The following DENND1A variants were observed in gnomAD, a reference collection of about 807,000 sequenced individuals.
DENND1A encodes the protein DENN domain containing 1A, also known as DENN domain-containing protein 1A.
In DENND1A, 51 loss-of-function variants were observed where a neutral mutation model predicts 113.7. The ratio of observed to expected loss-of-function variants is 0.45; its 90% CI spans 0.36 to 0.57. The LOEUF (loss-of-function observed/expected upper bound fraction) is 0.57. Ranked by LOEUF, DENND1A falls within the 20% of genes least tolerant of loss-of-function variation. The pLI, the probability that DENND1A is intolerant of heterozygous loss-of-function variation, is 0.00. For synonymous variants in DENND1A, 565 were observed against 570.8 expected (o/e 0.99, Z 0.14); for missense variants, 1,258 against 1,395.9 (o/e 0.90, Z 1.57).
chr9:123,383,743 G>A lies in DENND1A; in HGVS notation c.1931C>T (p.Ala644Val), dbSNP rs764931282. Residue 644 changes from alanine (A) to valine (V), a missense_variant, in exon 23 of 24, where the codon GCA becomes GTA. By Grantham distance (64) the Ala-to-Val change is moderately conservative (BLOSUM62 0). This residue lies in a region of DENND1A where 1,159 missense variants were observed against 1,231.7 expected (regional missense o/e 0.94). Transcript: ENST00000394215. Reference protein sequence around the residue: ...DVFSNLDMEAALQPLGQAKSL... With the variant: ...DVFSNLDMEAVLQPLGQAKSL... The stretch of plus-strand genomic sequence containing the variant: ...CTTGGCCTGGCCCAGTGGCTGCAGT[G>A]CGGCCTCCATGTCCAGGTTGCTGAA... 6.2e-7 allele frequency: 1 copy of A among 1,614,140 alleles called. No individual in the cohort carries two copies. The highest frequency in any genetic ancestry group is 1.1e-5 in the South Asian group (1 of 91,090).
At position 123,650,235 on chromosome 9, in the gene DENND1A, T is replaced by C. The variant is rs772873964; in HGVS notation, c.618+1778A>G. On this transcript the variant is annotated intron_variant, in intron 9 of 23. Transcript: ENST00000394215. ...GTAAAACAAAGCAAGAGGTCTACTA[T>C]AGGCTATTCTTAACACATACTAGGC... Among the ~76,000 whole-genome samples, 5 of 152,140 alleles carry C rather than the reference T, an allele frequency of 3.3e-5. 1 individual carries two copies. In the South Asian group the frequency reaches 8.3e-4, roughly 25 times the overall value.
intron 1 of DENND1A, among the ~76,000 whole-genome samples, chr9:123,903,432 G>A (rs1852103419): frequency 6.6e-6 from 1 of 151,880 alleles, no homozygotes; most frequent in South Asian, 2.1e-4. Flanking sequence ...ACAGAAGATG[G>A]GTGATTTCTG....
chr9:123,558,249 C>G (rs1330773965), intron 12 of DENND1A, among the ~76,000 whole-genome samples: 1 of 152,194 alleles, frequency 6.6e-6, no homozygotes, highest in Non-Finnish European at 1.5e-5. Context: ...AGACATGGGC[C>G]ACATTCCAAT....
chr9:123,700,830 A>G (rs2065842704), intron 5 of DENND1A, among the ~76,000 whole-genome samples: 1 of 152,232 alleles, frequency 6.6e-6, no homozygotes, highest in Non-Finnish European at 1.5e-5. Flanking sequence ...GGAATCCTTG[A>G]ATCCATCAGC....
chr9:123,869,077 T>C (rs151121961), intron 2 of DENND1A, among the ~76,000 whole-genome samples: 276 of 152,362 alleles, frequency 1.8e-3, no homozygotes, highest in African/African-American at 6.3e-3. Context: ...ATTTATTCTT[T>C]AAACTGTATA....
intron 21 of DENND1A, among the ~76,000 whole-genome samples, chr9:123,394,429 G>A (rs970344320): frequency 6.6e-6 from 1 of 152,146 alleles, no homozygotes; most frequent in Non-Finnish European, 1.5e-5. Flanking sequence ...TGGAGCCAGC[G>A]CAAGGATGAG....
chr9:123,720,845 C>A (rs2067287324), intron 5 of DENND1A, among the ~76,000 whole-genome samples: 1 of 152,134 alleles, frequency 6.6e-6, no homozygotes, highest in Non-Finnish European at 1.5e-5. Flanking sequence ...CTAGTTTAGG[C>A]AAAATGGAAT....
At chr9:123,793,906 T>C (rs974596583) in intron 2 of DENND1A, among the ~76,000 whole-genome samples, 1 of 152,218 alleles carries the variant, frequency 6.6e-6, no homozygotes, top group African/African-American at 2.4e-5. Flanking sequence ...TATCTGCAAG[T>C]GATTTCAACT....
chr9:123,837,228 A>C (rs1841169873), intron 2 of DENND1A, among the ~76,000 whole-genome samples: 1 of 152,210 alleles, frequency 6.6e-6, no homozygotes, highest in South Asian at 2.1e-4. Context: ...GTCTGCAATT[A>C]GAATAATCAA....
In DENND1A at chr9:123,392,350, A is replaced by C. The variant is rs144995419; in HGVS notation, c.1632-4492T>G. Reference sequence around the variant, plus strand: ...TTTAATTGACATTTAAATGTACTTGAGATAAAGACGGGGAAAAATCAGCCA... The same window carrying C: ...TTTAATTGACATTTAAATGTACTTGCGATAAAGACGGGGAAAAATCAGCCA... On this transcript the variant is annotated intron_variant, in intron 21 of 23. Coordinates refer to ENST00000394215, the MANE Select transcript of DENND1A (RefSeq NM_001352964.2). 9.3e-3 allele frequency among the ~76,000 whole-genome samples: 1,421 copies of C among 152,298 alleles called. 9 individuals carry two copies. The highest frequency in any genetic ancestry group is 0.014 in the Non-Finnish European group (954 of 68,028).
intron 21 of DENND1A, among the ~76,000 whole-genome samples, chr9:123,392,027 T>C (rs2042878885): frequency 1.3e-5 from 2 of 152,196 alleles, no homozygotes; most frequent in Admixed American, 6.5e-5. Context: ...GGAGTTCCCA[T>C]GCAGATGACT....
At chr9:123,902,399 C>A (rs80259458) in intron 1 of DENND1A, among the ~76,000 whole-genome samples, 5,789 of 152,226 alleles carry the variant, frequency 0.038, 114 homozygotes, top group Middle Eastern at 0.048. Flanking sequence ...GTTCTACCTT[C>A]GTGGTGCAAA....
chr9:123,516,483 A>T (rs1241027170), intron 13 of DENND1A, among the ~76,000 whole-genome samples: 1 of 152,208 alleles, frequency 6.6e-6, no homozygotes, highest in African/African-American at 2.4e-5. Context: ...GTAATCAAGG[A>T]AACAAAAATT....
chr9:123,822,462 A>C (rs1477061732), intron 2 of DENND1A, among the ~76,000 whole-genome samples: 1 of 152,234 alleles, frequency 6.6e-6, no homozygotes, highest in Admixed American at 6.5e-5. Flanking sequence ...GGAAATTAGT[A>C]ATCACAGGAG....
chr9:123,603,588 C>T (rs2060024330), intron 11 of DENND1A, among the ~76,000 whole-genome samples: 1 of 152,214 alleles, frequency 6.6e-6, no homozygotes, highest in Non-Finnish European at 1.5e-5. Flanking sequence ...CATCACACGC[C>T]TCTTGAAACT....
Position 123,733,495 on chromosome 9 carries a change from C to T in DENND1A, c.302+24208G>A, listed in dbSNP as rs552789267. Among the ~76,000 whole-genome samples the T allele has an allele frequency of 9.2e-5, 14 of 152,202 alleles. No homozygotes were observed. The East Asian group carries it at 2.7e-3, about 29-fold the overall frequency. ...AGAAACAGGGTCTCACTATGTTGGC[C>T]AGGCTGGTCTCAAACTCCTGGCCTC... On this transcript the variant is annotated intron_variant, in intron 5 of 23. Coordinates refer to ENST00000394215, the MANE Select transcript of DENND1A (RefSeq NM_001352964.2).
intron 6 of DENND1A, among the ~76,000 whole-genome samples, chr9:123,673,914 C>A (rs2063889507): frequency 6.6e-6 from 1 of 152,092 alleles, no homozygotes; most frequent in Non-Finnish European, 1.5e-5. Context: ...CCTTCCCTGT[C>A]CAGATGCCCT....
At chr9:123,780,108 C>T (rs1831073679) in intron 3 of DENND1A, among the ~76,000 whole-genome samples, 1 of 152,176 alleles carries the variant, frequency 6.6e-6, no homozygotes, top group South Asian at 2.1e-4. Flanking sequence ...CCTGCCTCAG[C>T]GTCCCAAAGT....
intron 9 of DENND1A, among the ~76,000 whole-genome samples, chr9:123,644,627 T>C (rs897151376): frequency 2.6e-5 from 4 of 152,180 alleles, no homozygotes; most frequent in South Asian, 4.1e-4. Context: ...TGGCACCCAA[T>C]AGACATAACC....
Sources: gnomAD v4.1 joint callset for allele counts (sites outside exome capture counted in the v4.1 genomes callset) on GRCh38, gnomAD v4.1.1 for gene constraint, gnomAD v4.1.1 regional missense constraint, MANE v1.5 for transcripts, NCBI Gene and HGNC (gene_info 2026-07-23, HGNC 2026-07-21) for gene names.